Variants in CADM2 observed in about 807,000 individuals in gnomAD.
CADM2 encodes immunoglobulin superfamily member 4D.
CADM2 carries 12 observed loss-of-function variants against 49.8 expected under a neutral mutation model. The observed-to-expected ratio is 0.24, with a 90% CI of 0.15 to 0.39. The LOEUF (loss-of-function observed/expected upper bound fraction) is 0.39, where lower values mean the gene tolerates loss of function less well. Ranked by LOEUF, CADM2 falls within the 10% of genes least tolerant of loss-of-function variation. CADM2 has a pLI of 1.00. For synonymous variants in CADM2, 214 were observed against 175.4 expected (o/e 1.22, Z -1.74); for missense variants, 378 against 492.3 (o/e 0.77, Z 2.20).
chr3:85,410,619 G>C (rs1474402571), intron 1 of CADM2, among the ~76,000 whole-genome samples: 1 of 152,134 alleles, frequency 6.6e-6, no homozygotes, highest in African/African-American at 2.4e-5. Flanking sequence ...TGAGGTCTGA[G>C]TTTTGCCGAA....
intron 8 of CADM2, among the ~76,000 whole-genome samples, chr3:86,016,874 T>C (rs1732312480): frequency 6.6e-6 from 1 of 151,782 alleles, no homozygotes; most frequent in Admixed American, 6.6e-5. Context: ...CAATGAGGGG[T>C]TTAAAACAAC....
chr3:85,139,780 A>G (rs1377964840), intron 1 of CADM2, among the ~76,000 whole-genome samples: 1 of 152,170 alleles, frequency 6.6e-6, no homozygotes, highest in Non-Finnish European at 1.5e-5. Flanking sequence ...TTTAATATAA[A>G]TAACACAATT....
chr3:85,046,260 C>T (rs2035648911), intron 1 of CADM2, among the ~76,000 whole-genome samples: 1 of 151,400 alleles, frequency 6.6e-6, no homozygotes, highest in South Asian at 2.1e-4. Context: ...TACAAAGGTT[C>T]AGTAAACCAA....
At chr3:85,590,426 CA>C (rs1028068271) in intron 1 of CADM2, among the ~76,000 whole-genome samples, 1 of 151,648 alleles carries the variant, frequency 6.6e-6, no homozygotes, top group South Asian at 2.1e-4. Context: ...AGACTGAAAG[CA>C]AAAAAATCAT....
chr3:85,038,620 T>C (rs1360687642), intron 1 of CADM2, among the ~76,000 whole-genome samples: 1 of 152,202 alleles, frequency 6.6e-6, no homozygotes. Context: ...GATTTATACA[T>C]TCCTGAACTC....
At chr3:86,066,332 C>CAGAAAAAAAAAAAAAAAAAAAAAAA (rs1739315896) in intron 9 of CADM2, among the ~76,000 whole-genome samples, 1 of 30,360 alleles carries the variant, frequency 3.3e-5, no homozygotes, top group African/African-American at 2.1e-4. Flanking sequence ...GACTCCGTCT[C>CAGAAAAAAAAAAAAAAAAAAAAAAA]AAAAAAAAAA....
intron 7 of CADM2, among the ~76,000 whole-genome samples, chr3:85,950,710 T>G (rs1352470440): frequency 6.6e-6 from 1 of 151,152 alleles, no homozygotes; most frequent in Non-Finnish European, 1.5e-5. Flanking sequence ...ATGCTGATAT[T>G]AATCAGAATA....
chr3:85,776,121 C>T (rs978081456), intron 2 of CADM2, among the ~76,000 whole-genome samples: 5 of 151,670 alleles, frequency 3.3e-5, no homozygotes, highest in Admixed American at 1.3e-4. Flanking sequence ...ATTATACTTT[C>T]ATTATTGTTA....
At chr3:85,911,879 C>G (rs1717638429) in intron 5 of CADM2, among the ~76,000 whole-genome samples, 1 of 151,770 alleles carries the variant, frequency 6.6e-6, no homozygotes, top group South Asian at 2.1e-4. Context: ...TGCGCCCCCA[C>G]CCTTTTATAA....
chr3:85,232,134 ATATTAT>A (rs10575918), intron 1 of CADM2, among the ~76,000 whole-genome samples: 265 of 146,328 alleles, frequency 1.8e-3, no homozygotes, highest in African/African-American at 4.7e-3. Flanking sequence ...CGATTTGAAG[ATATTAT>A]TATTATTATT....
chr3:85,790,618 C>G (rs938164235), intron 2 of CADM2, among the ~76,000 whole-genome samples: 1 of 152,148 alleles, frequency 6.6e-6, no homozygotes, highest in Non-Finnish European at 1.5e-5. Context: ...AGTTTCTGCT[C>G]CCAGAGTTGG....
At chr3:85,767,053 T>A (rs1297596995) in intron 2 of CADM2, among the ~76,000 whole-genome samples, 1 of 152,204 alleles carries the variant, frequency 6.6e-6, no homozygotes, top group Non-Finnish European at 1.5e-5. Context: ...ATTTTTTAAC[T>A]TACTTGAAAT....
intron 1 of CADM2, among the ~76,000 whole-genome samples, chr3:85,632,327 C>A (rs909484632): frequency 1.3e-5 from 2 of 152,068 alleles, no homozygotes; most frequent in Non-Finnish European, 2.9e-5. Flanking sequence ...GTGAGTTCTC[C>A]ATTAGACCTC....
At chr3:85,443,087 G>A (rs1576563349) in intron 1 of CADM2, among the ~76,000 whole-genome samples, 1 of 151,904 alleles carries the variant, frequency 6.6e-6, no homozygotes, top group African/African-American at 2.4e-5. Flanking sequence ...ACACTTAATT[G>A]TTTCACAAGT....
intron 8 of CADM2, among the ~76,000 whole-genome samples, chr3:85,976,694 C>G (rs141319292): frequency 6.6e-6 from 1 of 151,514 alleles, no homozygotes; most frequent in East Asian, 2.0e-4. Flanking sequence ...TTTTTAAACC[C>G]AATTGTCATT....
intron 2 of CADM2, among the ~76,000 whole-genome samples, chr3:85,750,116 T>A (rs75028993): frequency 1.3e-3 from 192 of 152,196 alleles, no homozygotes; most frequent in African/African-American, 4.5e-3. Context: ...TGAACTCATC[T>A]TAAGACTTTT....
chr3:86,073,395 T>G lies in CADM2; in HGVS notation c.*6612T>G, dbSNP rs1357501342. The G allele has an allele frequency of 6.6e-6, 1 of 152,050 alleles. No individual in the cohort carries two copies. Among genetic ancestry groups the G allele is most frequent in the South Asian group, 2.1e-4 (1 of 4,832 alleles). 9.4% of individuals were successfully genotyped at this position (152,050 alleles called of 1,614,324 possible). ...AAAATAGAGAAACACAGTTATTGAA[T>G]CTACTCTTGTCATTAACATTTTCAA... On this transcript the variant is annotated 3_prime_UTR_variant, in exon 10 of 10. Transcript: ENST00000383699.
At chr3:86,060,083 AAT>A (rs1465547931) in intron 8 of CADM2, among the ~76,000 whole-genome samples, 2 of 152,144 alleles carry the variant, frequency 1.3e-5, no homozygotes, top group Admixed American at 6.5e-5. Flanking sequence ...GGATCAAATA[AAT>A]ATGTGTTATA....
intron 1 of CADM2, among the ~76,000 whole-genome samples, chr3:85,579,378 C>G (rs950903408): frequency 3.3e-5 from 5 of 152,076 alleles, no homozygotes; most frequent in African/African-American, 7.2e-5. Flanking sequence ...ACAATCACTG[C>G]CTAGTTTACG....
Sources: gnomAD v4.1 joint callset for allele counts (sites outside exome capture counted in the v4.1 genomes callset) on GRCh38, gnomAD v4.1.1 for gene constraint, MANE v1.5 for transcripts, NCBI Gene and HGNC (gene_info 2026-07-23, HGNC 2026-07-21) for gene names.